AGR3: variants seen among roughly 807,000 people sequenced by gnomAD.
The protein encoded by AGR3 is anterior gradient 3, protein disulphide isomerase family member.
AGR3 carries 37 observed loss-of-function variants against 24.5 expected under a neutral mutation model. The observed-to-expected ratio is 1.51, with a 90% CI of 1.16 to 1.99. The LOEUF (loss-of-function observed/expected upper bound fraction) is 1.99, where lower values mean the gene tolerates loss of function less well. AGR3 is among the 30% of genes most tolerant of loss of function. The pLI, the probability that AGR3 is intolerant of heterozygous loss-of-function variation, is 0.00. For missense variants in AGR3, 228 were observed against 191.1 expected, an observed-to-expected ratio of 1.19 and a Z score of -1.14; for synonymous variants, 75 against 61.6, an observed-to-expected ratio of 1.22 and a Z score of -1.02.
chr7:16,861,433 A>T lies in AGR3; in HGVS notation c.318T>A (p.Asp106Glu), dbSNP rs371962031. 6 of 1,611,498 alleles carry T rather than the reference A, an allele frequency of 3.7e-6. No homozygotes were observed. The African/African-American group carries it at 6.7e-5, about 18-fold the overall frequency. ...ATTGCCCATCAGGTGATAAATTCTT[A>T]TCAGTGGTTTCATGCTAGCAGGAGA... is the stretch of plus-strand genomic sequence containing the variant. ...IMLNLMHETT[D>E]KNLSPDGQYV... is the part of the protein sequence containing the mutation. The change falls in exon 6 of 8, where the codon GAT becomes GAA. Residue 106 changes from aspartate (D) to glutamate (E), a missense_variant. Transcript: ENST00000310398.
At chr7:16,880,523 TCCCCTCCCCTCCCCTCCCCTCCTC>T (rs1782094358) in intron 1 of AGR3, among the ~76,000 whole-genome samples, 10 of 34,692 alleles carry the variant, frequency 2.9e-4, no homozygotes, top group Admixed American at 3.6e-4. Flanking sequence ...TCCCCTCCTC[TCCCCTCCCCTCCCCTCCCCTCCTC>T]TCCCCTCCTT....
chr7:16,866,354 A>T (rs1158267365), intron 3 of AGR3: 1 of 396,554 alleles, frequency 2.5e-6, no homozygotes, highest in African/African-American at 2.1e-5. Flanking sequence ...CCTGTAGTAC[A>T]TTAAACTATA....
At chr7:16,877,006 G>A (rs1229445516) in intron 2 of AGR3, among the ~76,000 whole-genome samples, 1 of 151,884 alleles carries the variant, frequency 6.6e-6, no homozygotes, top group African/African-American at 2.4e-5. Context: ...GTTATGTTTA[G>A]GAAAATATTT....
chr7:16,880,772 G>T (rs1782104337), intron 1 of AGR3, among the ~76,000 whole-genome samples: 2 of 152,042 alleles, frequency 1.3e-5, no homozygotes, highest in South Asian at 4.2e-4. Context: ...CAAATACAGG[G>T]TGGATTTTAG....
chr7:16,870,918 A>T (rs1183761515), intron 3 of AGR3, among the ~76,000 whole-genome samples: 1 of 152,160 alleles, frequency 6.6e-6, no homozygotes. Flanking sequence ...ATCTTTAAAG[A>T]GTATTGCAAT....
intron 6 of AGR3, among the ~76,000 whole-genome samples, chr7:16,860,921 T>G (rs1185937805): frequency 6.6e-6 from 1 of 152,236 alleles, no homozygotes; most frequent in Non-Finnish European, 1.5e-5. Context: ...TCTGTTTCTG[T>G]GTTCATTTGC....
intron 3 of AGR3, chr7:16,866,079 C>T: frequency 1.7e-6 from 1 of 602,076 alleles, no homozygotes; most frequent in Non-Finnish European, 3.1e-6. Flanking sequence ...ATTTTCTAAA[C>T]CATATATCTG....
At chr7:16,864,363 A>G (rs1401720750) in intron 3 of AGR3, 3 of 1,319,712 alleles carry the variant, frequency 2.3e-6, no homozygotes, top group Non-Finnish European at 2.2e-6. Context: ...GTTCACTGGC[A>G]CTATTCTGAC....
intron 3 of AGR3, chr7:16,865,133 A>G (rs1336036075): frequency 1.8e-5 from 13 of 736,508 alleles, no homozygotes; most frequent in Non-Finnish European, 3.2e-5. Context: ...GAAACAGAGA[A>G]ACGTCTTTGC....
At chr7:16,874,221 C>G (rs112981194) in intron 2 of AGR3, among the ~76,000 whole-genome samples, 16 of 152,242 alleles carry the variant, frequency 1.1e-4, no homozygotes, top group African/African-American at 2.9e-4. Context: ...GGAATCCTTT[C>G]GGCTGTACTC....
chr7:16,869,683 T>G (rs201983765), intron 3 of AGR3, among the ~76,000 whole-genome samples: 2,459 of 151,424 alleles, frequency 0.016, 78 homozygotes, highest in African/African-American at 0.056. Flanking sequence ...GTTTTTTTTT[T>G]TTTTTTTTTT....
intron 3 of AGR3, chr7:16,865,665 G>C (rs577849925): frequency 2.1e-5 from 17 of 801,482 alleles, no homozygotes; most frequent in South Asian, 2.0e-4. Flanking sequence ...GTTCTCAGAT[G>C]ATCTCCAAGC....
intron 1 of AGR3, among the ~76,000 whole-genome samples, chr7:16,880,613 C>A (rs1200218106): frequency 6.9e-6 from 1 of 145,026 alleles, no homozygotes; most frequent in African/African-American, 2.6e-5. Context: ...TCCTTTCTTT[C>A]CAGGCATATA....
intron 3 of AGR3, chr7:16,865,758 A>G: frequency 1.3e-6 from 1 of 753,272 alleles, no homozygotes; most frequent in Admixed American, 1.8e-5. Context: ...AACATATGGA[A>G]GCTTGATTCA....
chr7:16,864,572 G>C (rs567956800), intron 3 of AGR3: 18 of 1,450,026 alleles, frequency 1.2e-5, no homozygotes, highest in Non-Finnish European at 1.6e-5. Flanking sequence ...TCTTGGATAA[G>C]AGAAATCTGA....
At chr7:16,871,355 C>T (rs1359295339) in intron 3 of AGR3, among the ~76,000 whole-genome samples, 1 of 152,120 alleles carries the variant, frequency 6.6e-6, no homozygotes, top group Non-Finnish European at 1.5e-5. Context: ...CATACAATAG[C>T]AGAGCAAATA....
downstream of AGR3, among the ~76,000 whole-genome samples, chr7:16,858,802 GC>G (rs1781587560): frequency 1.3e-5 from 2 of 152,054 alleles, 1 homozygote; most frequent in South Asian, 4.1e-4. Flanking sequence ...ACGGGTAGCA[GC>G]GGGGACGTGG....
At chr7:16,860,374 A>AT in intron 7 of AGR3, 126 bp downstream of exon 7, 1 of 704,694 alleles carries the variant, frequency 1.4e-6, no homozygotes, top group Non-Finnish European at 2.5e-6. Flanking sequence ...AGAAGTTGGC[A>AT]TTTAAACACC....
At chr7:16,880,021 C>T (rs1326370407) in intron 1 of AGR3, among the ~76,000 whole-genome samples, 1 of 151,758 alleles carries the variant, frequency 6.6e-6, no homozygotes, top group East Asian at 1.9e-4. Flanking sequence ...CTTTATTTCC[C>T]TCCCTAATCC....
Sources: allele counts gnomAD v4.1 joint callset (sites outside exome capture counted in the v4.1 genomes callset), GRCh38; gene constraint gnomAD v4.1.1; transcripts MANE v1.5; gene names NCBI Gene and HGNC (gene_info 2026-07-23, HGNC 2026-07-21).